GOLGA4: variants seen among roughly 807,000 people sequenced by gnomAD.
GOLGA4 encodes golgin subfamily A member 4.
Under a neutral mutation model 265.9 loss-of-function variants are expected in GOLGA4, and 169 were observed. The observed-to-expected ratio is 0.64, with a 90% CI of 0.56 to 0.72. The LOEUF is 0.72. GOLGA4 is among the 30% of genes least tolerant of loss of function. The probability of loss-of-function intolerance (pLI) is 0.00; values close to 1 mark genes in which losing one functional copy is unlikely to be tolerated. For missense variants in GOLGA4, 2,482 were observed against 2,483.4 expected, an observed-to-expected ratio of 1.00 and a Z score of 0.01; for synonymous variants, 923 against 855.8, an observed-to-expected ratio of 1.08 and a Z score of -1.37.
At chr3:37,341,987 TAAA>T (rs1228919104) in intron 20 of GOLGA4, among the ~76,000 whole-genome samples, 1 of 152,222 alleles carries the variant, frequency 6.6e-6, no homozygotes, top group African/African-American at 2.4e-5. Context: ...TTAATCCTCT[TAAA>T]AACCCAAGCA....
intron 2 of GOLGA4, chr3:37,273,435 A>G: frequency 1.5e-6 from 1 of 653,376 alleles, no homozygotes; most frequent in East Asian, 2.7e-5. Context: ...TTAATAGATA[A>G]ATGTATCTGA....
chr3:37,257,974 CATATATATATGTATGTATATATGTAT>C (rs1560280033), intron 2 of GOLGA4, among the ~76,000 whole-genome samples: 1 of 40,214 alleles, frequency 2.5e-5, no homozygotes, highest in Non-Finnish European at 4.7e-5. Flanking sequence ...TATATACATA[CATATATATATGTATGTATATATGTAT>C]ATATACATAC....
At chr3:37,286,874 A>G (rs2096850889) in intron 4 of GOLGA4, among the ~76,000 whole-genome samples, 1 of 152,172 alleles carries the variant, frequency 6.6e-6, no homozygotes, top group African/African-American at 2.4e-5. Flanking sequence ...AGGGATAAGA[A>G]ACTATTATAT....
intron 10 of GOLGA4, among the ~76,000 whole-genome samples, chr3:37,305,132 T>A (rs748967056): frequency 5.3e-5 from 8 of 152,108 alleles, no homozygotes; most frequent in Admixed American, 1.3e-4. Context: ...TTGGCCAGGC[T>A]GGTCTCGAAC....
rs754831063 is a variant in GOLGA4 at position 37,324,667 on chromosome 3, C to CA, written c.2782dup (p.Thr928AsnfsTer16). The CA allele has an allele frequency of 1.3e-5, 21 of 1,612,216 alleles. No individual in the cohort carries two copies. Among genetic ancestry groups the CA allele is most frequent in the Non-Finnish European group, 1.7e-5 (20 of 1,179,348 alleles). ...GACAGAAGAAAGAAATTGAGATACT[C>CA]ACACAGAAATTGTCAGCCAAGGAGG... On this transcript the variant is annotated frameshift_variant, in exon 14 of 24. Transcript: ENST00000361924. LOFTEE classifies it high-confidence loss of function.
At chr3:37,260,185 C>G (rs986018709) in intron 2 of GOLGA4, among the ~76,000 whole-genome samples, 20 of 149,468 alleles carry the variant, frequency 1.3e-4, no homozygotes, top group African/African-American at 3.9e-4. Context: ...GCAAAAAAGT[C>G]TCATAATGTT....
At chr3:37,262,529 GA>G (rs138347781) in intron 2 of GOLGA4, among the ~76,000 whole-genome samples, 2 of 150,708 alleles carry the variant, frequency 1.3e-5, no homozygotes, top group African/African-American at 2.4e-5. Context: ...TCCTGGAAAT[GA>G]AAAAAAAATT....
intron 23 of GOLGA4, among the ~76,000 whole-genome samples, chr3:37,364,587 C>T (rs1450878281): frequency 6.7e-6 from 1 of 148,590 alleles, no homozygotes; most frequent in Non-Finnish European, 1.5e-5. Context: ...TTGGCTATGT[C>T]ATAGCTTTTT....
chr3:37,245,608 G>A (rs1221044233), intron 1 of GOLGA4, among the ~76,000 whole-genome samples: 1 of 152,104 alleles, frequency 6.6e-6, no homozygotes, highest in African/African-American at 2.4e-5. Context: ...TTAACAAAGA[G>A]GTTTTTAGTA....
intron 2 of GOLGA4, among the ~76,000 whole-genome samples, chr3:37,257,925 ATG>A (rs1482647352): frequency 2.6e-5 from 3 of 115,276 alleles, no homozygotes; most frequent in Non-Finnish European, 5.0e-5. Context: ...GTATGTATAT[ATG>A]TATATATACA....
At chr3:37,278,251 G>A (rs566544745) in intron 2 of GOLGA4, among the ~76,000 whole-genome samples, 2 of 151,390 alleles carry the variant, frequency 1.3e-5, no homozygotes, top group East Asian at 3.9e-4. Flanking sequence ...CCAGGCTGGA[G>A]CGTAATGGCG....
At chr3:37,278,124 C>T (rs2096824354) in intron 2 of GOLGA4, among the ~76,000 whole-genome samples, 1 of 149,826 alleles carries the variant, frequency 6.7e-6, no homozygotes, top group Non-Finnish European at 1.5e-5. Flanking sequence ...ATTTGTAATT[C>T]AATAAAGTTT....
chr3:37,362,095 A>T lies in GOLGA4; in HGVS notation c.*33+790A>T, dbSNP rs188322516. Among the ~76,000 whole-genome samples the T allele has an allele frequency of 2.7e-4, 41 of 152,354 alleles. No individual in the cohort carries two copies. The East Asian group carries it at 4.6e-3, about 17-fold the overall frequency. ...AACAGATCACAATTAGTAGGGCTTCACTATAATTAAAATAAATACTCTCAG... is the reference window on the plus strand; with the variant it reads ...AACAGATCACAATTAGTAGGGCTTCTCTATAATTAAAATAAATACTCTCAG... On this transcript the variant is annotated intron_variant, in intron 23 of 23. Transcript: ENST00000361924.
intron 16 of GOLGA4, among the ~76,000 whole-genome samples, chr3:37,333,688 T>A (rs1333851464): frequency 1.3e-5 from 2 of 152,000 alleles, no homozygotes; most frequent in African/African-American, 4.8e-5. Flanking sequence ...ACAACAATTT[T>A]CGGTTGATGG....
chr3:37,297,856 A>G (rs1421352337), intron 7 of GOLGA4, among the ~76,000 whole-genome samples: 2 of 152,004 alleles, frequency 1.3e-5, no homozygotes, highest in East Asian at 3.9e-4. Context: ...GTGAAACCCC[A>G]CCTCTACTAA....
chr3:37,282,388 C>T (rs1235846420), intron 3 of GOLGA4, 116 bp downstream of exon 3: 1 of 736,742 alleles, frequency 1.4e-6, no homozygotes, highest in Non-Finnish European at 2.3e-6. Context: ...TGGATATATC[C>T]TGGTTACTAA....
rs567051024 is a variant in GOLGA4 at position 37,325,081 on chromosome 3, A to G, written c.3195A>G (p.Gln1065=). 1 of 1,612,776 alleles carries G rather than the reference A, an allele frequency of 6.2e-7. No individual in the cohort carries two copies. The highest frequency in any genetic ancestry group is 1.1e-5 in the South Asian group (1 of 90,932). Residue 1065 remains glutamine, a synonymous_variant, in exon 14 of 24, where the codon CAA becomes CAG. Coordinates refer to ENST00000361924, the MANE Select transcript of GOLGA4 (RefSeq NM_002078.5). ...AEELQEIHEI[Q]LQEKEQEVAE... is the part of the protein sequence containing the mutation. ...AACTTCAGGAAATACATGAAATCCA[A>G]TTACAGGAAAAAGAACAAGAGGTAG... is the stretch of plus-strand genomic sequence containing the variant.
intron 20 of GOLGA4, among the ~76,000 whole-genome samples, chr3:37,341,414 C>T (rs972202585): frequency 1.3e-5 from 2 of 152,132 alleles, no homozygotes; most frequent in Non-Finnish European, 2.9e-5. Context: ...ATTTGGCATT[C>T]TCTTCTTTTG....
chr3:37,249,504 G>A (rs78759082), intron 1 of GOLGA4, among the ~76,000 whole-genome samples: 5,214 of 152,074 alleles, frequency 0.034, 194 homozygotes, highest in African/African-American at 0.099. Context: ...AACCTCTGCA[G>A]TTGAAGCAAT....
Sources: allele counts gnomAD v4.1 joint callset (sites outside exome capture counted in the v4.1 genomes callset), GRCh38; gene constraint gnomAD v4.1.1; transcripts MANE v1.5; gene names NCBI Gene and HGNC (gene_info 2026-07-23, HGNC 2026-07-21).